The following RAB3IP variants were observed in gnomAD, a reference collection of about 807,000 sequenced individuals.
RAB3IP encodes the protein RAB3A interacting protein.
RAB3IP carries 36 observed loss-of-function variants against 59.1 expected under a neutral mutation model. That is an observed-to-expected ratio of 0.61 (90% CI 0.47 to 0.80). RAB3IP has a LOEUF of 0.80. Ranked by LOEUF, RAB3IP falls within the 30% of genes least tolerant of loss-of-function variation. RAB3IP has a pLI of 0.00. For synonymous variants in RAB3IP, 207 were observed against 191.2 expected (o/e 1.08, Z -0.68); for missense variants, 511 against 536.0 (o/e 0.95, Z 0.46).
chr12:69,795,077 A>G (rs1382259787), intron 5 of RAB3IP, 64 bp from the exon 6 acceptor site: 2 of 1,198,812 alleles, frequency 1.7e-6, no homozygotes, highest in African/African-American at 3.0e-5. Context: ...CAGATTGCTA[A>G]TATTTAGCTG....
At chr12:69,762,537 C>G (rs1381247902) in intron 3 of RAB3IP, among the ~76,000 whole-genome samples, 3 of 151,890 alleles carry the variant, frequency 2.0e-5, no homozygotes, top group Non-Finnish European at 4.4e-5. Flanking sequence ...GCGGGCAGAT[C>G]ACCAGGTTAG....
intron 3 of RAB3IP, among the ~76,000 whole-genome samples, chr12:69,771,085 CAT>C (rs765695774): frequency 6.6e-6 from 1 of 152,190 alleles, no homozygotes; most frequent in Non-Finnish European, 1.5e-5. Flanking sequence ...TTAGATTTCA[CAT>C]ATGAGTGAGA....
intron 1 of RAB3IP, among the ~76,000 whole-genome samples, chr12:69,750,427 A>C (rs547473728): frequency 6.6e-6 from 1 of 152,180 alleles, no homozygotes; most frequent in Non-Finnish European, 1.5e-5. Flanking sequence ...AAAATTAACT[A>C]TAATTCCTAA....
chr12:69,793,818 G>A (rs1877023090), intron 4 of RAB3IP, among the ~76,000 whole-genome samples: 1 of 152,156 alleles, frequency 6.6e-6, no homozygotes, highest in African/African-American at 2.4e-5. Context: ...ATGAGTAAAT[G>A]TCTCATGAAT....
In RAB3IP at chr12:69,815,695, A is replaced by AC. The variant is rs953653672; in HGVS notation, c.*249_*250insC. 5.2e-3 allele frequency: 1,301 copies of AC among 252,476 alleles called. No individual in the cohort carries two copies. Among genetic ancestry groups the AC allele is most frequent in the Middle Eastern group, 7.3e-3 (6 of 822 alleles). 15.6% of individuals were successfully genotyped at this position (252,476 alleles called of 1,614,324 possible). On this transcript the variant is annotated 3_prime_UTR_variant, in exon 11 of 11. Transcript: ENST00000247833. ...TAATTTATAGTTGCCAAAAAAAAAA[A>AC]AAACCTGAAATAAATAAATGTTAGA...
At chr12:69,795,530 A>G (rs1877307242) in intron 6 of RAB3IP, 186 bp downstream of exon 6, 1 of 600,284 alleles carries the variant, frequency 1.7e-6, no homozygotes, top group African/African-American at 1.9e-5. Context: ...TACCTGGCTG[A>G]CCTTGGAGTA....
chr12:69,794,510 GA>G lies in RAB3IP; in HGVS notation c.684del (p.Ile229LeufsTer8). On this transcript the variant is annotated frameshift_variant, in exon 5 of 11. Coordinates refer to ENST00000247833, the MANE Select transcript of RAB3IP (RefSeq NM_022456.5). LOFTEE classifies it high-confidence loss of function. ...GAAAAACAGCTAAAAGAAGCACAAGGAAAAGTGAGTTTTTGCAGCTCTTAAT... is the reference window on the plus strand; with the variant it reads ...GAAAAACAGCTAAAAGAAGCACAAGGAAAGTGAGTTTTTGCAGCTCTTAAT... ...TAEKQLKEAQ[G>X]KIDVLQAEVA... is the part of the protein sequence containing the mutation. The G allele has an allele frequency of 6.2e-7, 1 of 1,611,634 alleles. No individual in the cohort carries two copies. Among genetic ancestry groups the G allele is most frequent in the South Asian group, 1.1e-5 (1 of 90,658 alleles).
Position 69,795,307 on chromosome 12 carries a change from T to G in RAB3IP, c.851T>G (p.Leu284Arg). ...GCTATGAGTGGCAGTCATCAGGACC[T>G]CAGTGTGATACAGCCAATTGTAAAA... ...SSAMSGSHQD[L>R]SVIQPIVKDC... Residue 284 changes from leucine to arginine, a missense_variant, in exon 6 of 11, where the codon CTC (leucine) becomes CGC (arginine). Coordinates refer to ENST00000247833, the MANE Select transcript of RAB3IP (RefSeq NM_022456.5). 1 of 1,614,068 alleles carries G rather than the reference T, an allele frequency of 6.2e-7. No homozygotes were observed. The highest frequency in any genetic ancestry group is 8.5e-7 in the Non-Finnish European group (1 of 1,179,954).
At chr12:69,807,754 G>A (rs1376899990) in intron 8 of RAB3IP, among the ~76,000 whole-genome samples, 1 of 144,778 alleles carries the variant, frequency 6.9e-6, no homozygotes, top group African/African-American at 2.6e-5. Flanking sequence ...CTTCCCAGAT[G>A]GGGCGGCTGG....
intron 8 of RAB3IP, among the ~76,000 whole-genome samples, chr12:69,806,504 C>T (rs1465778750): frequency 1.3e-5 from 2 of 148,616 alleles, no homozygotes; most frequent in Non-Finnish European, 3.0e-5. Context: ...TCCTTCAGTT[C>T]TGCTCTGATC....
At position 69,821,578 on chromosome 12, in the gene RAB3IP, A is replaced by T. The variant is rs1189870266; in HGVS notation, c.*6132A>T. 6.6e-6 allele frequency: 1 copy of T among 152,206 alleles called. No homozygotes were observed. 9.4% of individuals were successfully genotyped at this position (152,206 alleles called of 1,614,324 possible). ...TGTGGGCTCCATTGTGTTTTCACAC[A>T]ATGTGCTATTTGTCCTTCACAGTGT... On this transcript the variant is annotated 3_prime_UTR_variant, in exon 11 of 11. Transcript: ENST00000247833.
intron 7 of RAB3IP, among the ~76,000 whole-genome samples, chr12:69,800,692 A>G (rs965132140): frequency 1.3e-5 from 2 of 152,218 alleles, no homozygotes; most frequent in Non-Finnish European, 2.9e-5. Flanking sequence ...CTATCTGTAC[A>G]TGATTTAAAA....
intron 3 of RAB3IP, among the ~76,000 whole-genome samples, chr12:69,780,065 C>T (rs543741395): frequency 1.3e-5 from 2 of 152,262 alleles, no homozygotes; most frequent in East Asian, 3.9e-4. Context: ...GCGCCTTAAG[C>T]CCATTTTTAC....
At chr12:69,739,080 C>A (rs929828824) in intron 1 of RAB3IP, 49 bp downstream of exon 1, 1 of 151,934 alleles carries the variant, frequency 6.6e-6, no homozygotes, top group African/African-American at 2.4e-5. Context: ...AGCACCGCCC[C>A]CCTCGGCGCC....
At chr12:69,760,998 C>T (rs1400644903) in intron 3 of RAB3IP, among the ~76,000 whole-genome samples, 1 of 152,128 alleles carries the variant, frequency 6.6e-6, no homozygotes, top group East Asian at 1.9e-4. Flanking sequence ...CATTCTTCCT[C>T]TCTCTCTCCT....
intron 2 of RAB3IP, 131 bp downstream of exon 2, chr12:69,755,790 C>A: frequency 1.4e-6 from 1 of 711,520 alleles, no homozygotes; most frequent in Non-Finnish European, 2.3e-6. Flanking sequence ...AAATACATGA[C>A]CTGATAATGT....
At chr12:69,750,521 G>A (rs1869081724) in intron 1 of RAB3IP, among the ~76,000 whole-genome samples, 1 of 138,504 alleles carries the variant, frequency 7.2e-6, no homozygotes, top group Admixed American at 7.2e-5. Context: ...ATTCTCTTAA[G>A]TTTATAAATT....
chr12:69,799,788 T>G (rs1248479193), intron 6 of RAB3IP, among the ~76,000 whole-genome samples: 4 of 152,140 alleles, frequency 2.6e-5, no homozygotes, highest in African/African-American at 9.7e-5. Context: ...AATTACCTTT[T>G]TATTGTTTTC....
chr12:69,792,289 G>A (rs535171044), intron 4 of RAB3IP, among the ~76,000 whole-genome samples: 5 of 152,136 alleles, frequency 3.3e-5, no homozygotes, highest in South Asian at 2.1e-4. Flanking sequence ...TCTTGTTTGC[G>A]CACCACCTCC....
Sources: allele counts gnomAD v4.1 joint callset (sites outside exome capture counted in the v4.1 genomes callset), GRCh38; gene constraint gnomAD v4.1.1; transcripts MANE v1.5; gene names NCBI Gene and HGNC (gene_info 2026-07-23, HGNC 2026-07-21).